Variants in LMX1A observed in about 807,000 individuals in gnomAD.
LMX1A encodes the protein LIM homeobox transcription factor 1 alpha, also known as LIM homeobox transcription factor 1-alpha.
Under a neutral mutation model 49.1 loss-of-function variants are expected in LMX1A, and 15 were observed. The ratio of observed to expected loss-of-function variants is 0.31; its 90% CI spans 0.20 to 0.47. The LOEUF is 0.47. Among genes scored for constraint, LMX1A ranks in the 20% least tolerant of loss-of-function variants. LMX1A has a pLI of 1.00. For synonymous variants in LMX1A, 167 were observed against 185.7 expected (o/e 0.90, Z 0.82); for missense variants, 372 against 475.8 (o/e 0.78, Z 2.03).
At chr1:165,333,022 G>A (rs1470888743) in intron 3 of LMX1A, among the ~76,000 whole-genome samples, 1 of 152,138 alleles carries the variant, frequency 6.6e-6, no homozygotes, top group East Asian at 1.9e-4. Flanking sequence ...GCGGCATTGG[G>A]ACCATCACTT....
Position 165,355,793 on chromosome 1 carries a change from C to G in LMX1A, c.-22-212G>C. ...GATCTGATTTCACTTGAAGTCAACACGTTATGTACTTAGGCCTCCGCCCCC... is the reference window on the plus strand; with the variant it reads ...GATCTGATTTCACTTGAAGTCAACAGGTTATGTACTTAGGCCTCCGCCCCC... On this transcript the variant is annotated intron_variant, in intron 1 of 8. Coordinates refer to ENST00000342310, the MANE Select transcript of LMX1A (RefSeq NM_177398.4). This position sits in a 1 kb window ranked among gnomAD's most constrained non-coding sequence, Gnocchi z 4.7. The G allele has an allele frequency of 1.8e-6, 1 of 565,550 alleles. No homozygotes were observed. The highest frequency in any genetic ancestry group is 3.2e-6 in the Non-Finnish European group (1 of 317,330). 35.0% of individuals were successfully genotyped at this position (565,550 alleles called of 1,614,324 possible).
intron 4 of LMX1A, among the ~76,000 whole-genome samples, chr1:165,241,926 G>A (rs980289801): frequency 2.6e-5 from 4 of 152,178 alleles, no homozygotes; most frequent in African/African-American, 9.7e-5. Flanking sequence ...GGCAAGCGAG[G>A]CATTTGGATC....
In LMX1A at chr1:165,355,500, G is replaced by T. The variant is rs1448470104; in HGVS notation, c.60C>A (p.Ser20=). ...AACACTCACCCAGCAGCGAGGAGAA[G>T]GAGGCCGAGGTGTCGATCGCGCTTT... ...NFQSAIDTSA[S]FSSLLGRAVS... Residue 20 remains serine, a synonymous_variant, in exon 2 of 9, where the codon TCC becomes TCA. Coordinates refer to ENST00000342310, the MANE Select transcript of LMX1A (RefSeq NM_177398.4). This position sits in a 1 kb window ranked among gnomAD's most constrained non-coding sequence, Gnocchi z 4.7. 3 of 1,614,052 alleles carry T rather than the reference G, an allele frequency of 1.9e-6. No homozygotes were observed. The highest frequency in any genetic ancestry group is 1.6e-4 in the Middle Eastern group (1 of 6,062).
In LMX1A at chr1:165,250,148, T is replaced by C. The variant is rs750421169; in HGVS notation, c.264-508A>G. 5.9e-5 allele frequency among the ~76,000 whole-genome samples: 9 copies of C among 152,136 alleles called. 1 individual carries two copies. Among genetic ancestry groups the C allele is most frequent in the Non-Finnish European group, 1.2e-4 (8 of 68,032 alleles). On this transcript the variant is annotated intron_variant, in intron 3 of 8. Coordinates refer to ENST00000342310, the MANE Select transcript of LMX1A (RefSeq NM_177398.4). ...CATACTGGGCTTAATACCTAGGTGA[T>C]GGGCTGGTAAGTGCAGCAAACCATC...
chr1:165,324,431 G>T (rs982916322), intron 3 of LMX1A, among the ~76,000 whole-genome samples: 1 of 152,148 alleles, frequency 6.6e-6, no homozygotes, highest in African/African-American at 2.4e-5. Flanking sequence ...TTGGCCATGA[G>T]TCTCAAAGCA....
At position 165,270,059 on chromosome 1, in the gene LMX1A, T is replaced by TA. The variant is rs1047233690; in HGVS notation, c.264-20420dup. Among the ~76,000 whole-genome samples, 8 of 151,616 alleles carry TA rather than the reference T, an allele frequency of 5.3e-5. No individual in the cohort carries two copies. The East Asian group carries it at 7.7e-4, about 15-fold the overall frequency. On this transcript the variant is annotated intron_variant, in intron 3 of 8. Coordinates refer to ENST00000342310, the MANE Select transcript of LMX1A (RefSeq NM_177398.4). ...ACCCCAAAACTTAAAAAAAATATATTAAAAAAAAGAAAGAAAATGTCCTCT... is the reference window on the plus strand; with the variant it reads ...ACCCCAAAACTTAAAAAAAATATATTAAAAAAAAAGAAAGAAAATGTCCTCT...
At chr1:165,294,264 C>T (rs1654555349) in intron 3 of LMX1A, among the ~76,000 whole-genome samples, 1 of 152,240 alleles carries the variant, frequency 6.6e-6, no homozygotes, top group Admixed American at 6.5e-5. Flanking sequence ...TCAGCTGAAC[C>T]ACTCACACAC....
intron 3 of LMX1A, among the ~76,000 whole-genome samples, chr1:165,317,106 T>C (rs1571219501): frequency 1.3e-5 from 2 of 152,214 alleles, no homozygotes; most frequent in South Asian, 2.1e-4. Context: ...ATGTCCATCA[T>C]ATACAGTGAG....
chr1:165,324,223 C>A (rs191827680), intron 3 of LMX1A, among the ~76,000 whole-genome samples: 4 of 152,294 alleles, frequency 2.6e-5, no homozygotes, highest in African/African-American at 7.2e-5. Flanking sequence ...GACTAGTCAG[C>A]GTGTGAAAAC....
intron 3 of LMX1A, among the ~76,000 whole-genome samples, chr1:165,325,229 A>G (rs2101747393): frequency 6.6e-6 from 1 of 152,288 alleles, no homozygotes; most frequent in African/African-American, 2.4e-5. Flanking sequence ...GGCCTCCCAG[A>G]CTTGTATAAT....
intron 4 of LMX1A, among the ~76,000 whole-genome samples, chr1:165,225,213 G>A (rs1651990797): frequency 6.6e-6 from 1 of 152,190 alleles, no homozygotes; most frequent in South Asian, 2.1e-4. Context: ...GGCAGACTGG[G>A]CGGCTTCCCA....
Position 165,353,270 on chromosome 1 carries a change from C to A in LMX1A, c.77-8G>T. The A allele has an allele frequency of 6.2e-7, 1 of 1,609,048 alleles. No homozygotes were observed. Among genetic ancestry groups the A allele is most frequent in the Non-Finnish European group, 8.5e-7 (1 of 1,179,304 alleles). ...TGGGGCTCACCGCTCTGCCTGTAGC[C>A]ACAACAGACGTTGGCGGGTGAGCAG... On this transcript the variant is annotated splice_region_variant and splice_polypyrimidine_tract_variant and intron_variant, in intron 2 of 8. Coordinates refer to ENST00000342310, the MANE Select transcript of LMX1A (RefSeq NM_177398.4).
Position 165,267,636 on chromosome 1 carries a change from T to C in LMX1A, c.264-17996A>G, listed in dbSNP as rs190536457. 2.2e-4 allele frequency among the ~76,000 whole-genome samples: 33 copies of C among 152,268 alleles called. No homozygotes were observed. The East Asian group carries it at 6.0e-3, about 28-fold the overall frequency. The stretch of plus-strand genomic sequence containing the variant: ...AGGAAGAAAGCCAGTGAGAAGGCTA[T>C]TGAAATACCCCAGGTAAGAGATGAC... On this transcript the variant is annotated intron_variant, in intron 3 of 8. Transcript: ENST00000342310.
At chr1:165,218,535 TG>T (rs1342100253) in intron 4 of LMX1A, 3 of 152,362 alleles carry the variant, frequency 2.0e-5, no homozygotes, top group African/African-American at 7.2e-5. Context: ...CTGACTCTCC[TG>T]GGGAGTTTCC....
chr1:165,247,105 T>G (rs1438193516), intron 4 of LMX1A, among the ~76,000 whole-genome samples: 1 of 124,960 alleles, frequency 8.0e-6, no homozygotes, highest in Non-Finnish European at 1.6e-5. Flanking sequence ...GTGGAGCCAA[T>G]CCACTAATGC....
intron 3 of LMX1A, among the ~76,000 whole-genome samples, chr1:165,281,893 T>C (rs1174043936): frequency 6.6e-6 from 1 of 152,186 alleles, no homozygotes; most frequent in African/African-American, 2.4e-5. Context: ...ATATGATTTT[T>C]CCCCAGAGAT....
At chr1:165,253,159 G>T (rs549042567) in intron 3 of LMX1A, among the ~76,000 whole-genome samples, 2 of 152,156 alleles carry the variant, frequency 1.3e-5, no homozygotes, top group Non-Finnish European at 2.9e-5. Flanking sequence ...CATGTAGCTC[G>T]CATGCTAGTG....
chr1:165,346,047 T>C (rs777244472), intron 3 of LMX1A, among the ~76,000 whole-genome samples: 1 of 152,178 alleles, frequency 6.6e-6, no homozygotes, highest in Non-Finnish European at 1.5e-5. Flanking sequence ...CAGAGGCAGA[T>C]GTGAAGTCCA....
At chr1:165,275,575 G>A (rs1400087648) in intron 3 of LMX1A, among the ~76,000 whole-genome samples, 3 of 152,090 alleles carry the variant, frequency 2.0e-5, no homozygotes, top group African/African-American at 4.8e-5. Flanking sequence ...ACACTCTGTT[G>A]CCCCCCATCA....
Sources: allele counts gnomAD v4.1 joint callset (sites outside exome capture counted in the v4.1 genomes callset), GRCh38; gene constraint gnomAD v4.1.1; non-coding constraint Gnocchi (gnomAD v3.1); transcripts MANE v1.5; gene names NCBI Gene and HGNC (gene_info 2026-07-23, HGNC 2026-07-21).